The following STXBP5L variants were observed in gnomAD, a reference collection of about 807,000 sequenced individuals.
STXBP5L encodes syntaxin-binding protein 5-like.
A neutral mutation model predicts 144.5 loss-of-function variants in STXBP5L; 65 were observed. The ratio of observed to expected loss-of-function variants is 0.45; its 90% CI spans 0.37 to 0.55. The LOEUF (loss-of-function observed/expected upper bound fraction) is 0.55, where lower values mean the gene tolerates loss of function less well. Among genes scored for constraint, STXBP5L ranks in the 20% least tolerant of loss-of-function variants. STXBP5L has a pLI of 0.00. For synonymous variants in STXBP5L, 505 were observed against 469.6 expected, an observed-to-expected ratio of 1.08 and a Z score of -0.97; for missense variants, 1,298 against 1,405.5, an observed-to-expected ratio of 0.92 and a Z score of 1.22.
chr3:121,301,136 G>A (rs1344805865), intron 19 of STXBP5L, among the ~76,000 whole-genome samples: 2 of 152,100 alleles, frequency 1.3e-5, no homozygotes, highest in Non-Finnish European at 2.9e-5. Flanking sequence ...ATTACCTTGG[G>A]CAGTATGGCC....
chr3:121,299,813 C>A (rs906218842), intron 19 of STXBP5L, among the ~76,000 whole-genome samples: 4 of 151,664 alleles, frequency 2.6e-5, no homozygotes, highest in African/African-American at 9.7e-5. Context: ...ATGGCAAAAC[C>A]CTGTCTCTAC....
chr3:121,213,974 A>G (rs1333570682), intron 10 of STXBP5L, among the ~76,000 whole-genome samples: 5 of 151,922 alleles, frequency 3.3e-5, no homozygotes, highest in Non-Finnish European at 7.4e-5. Context: ...TTTCTTCTAG[A>G]TTTTCTAATT....
intron 22 of STXBP5L, among the ~76,000 whole-genome samples, chr3:121,392,659 A>G (rs781350565): frequency 6.6e-6 from 1 of 151,646 alleles, no homozygotes; most frequent in Non-Finnish European, 1.5e-5. Context: ...TTCACTACAT[A>G]TCCTGGGCCC....
rs142992155 is a variant in STXBP5L at position 120,942,402 on chromosome 3, G to T, written c.190-12538G>T. Among the ~76,000 whole-genome samples the T allele has an allele frequency of 6.6e-5, 10 of 151,598 alleles. No homozygotes were observed. The East Asian group carries it at 1.9e-3, about 29-fold the overall frequency. ...TGAATATAATACTGCTATTAATGAA[G>T]ATTATGAAAACAGGTTAATCTAAGT... On this transcript the variant is annotated intron_variant, in intron 2 of 26. Transcript: ENST00000471454.
chr3:120,991,138 C>G (rs1216905461), intron 3 of STXBP5L, among the ~76,000 whole-genome samples: 1 of 146,496 alleles, frequency 6.8e-6, no homozygotes, highest in African/African-American at 2.5e-5. Flanking sequence ...TTACAAGAAA[C>G]AAACAAACAA....
intron 20 of STXBP5L, among the ~76,000 whole-genome samples, chr3:121,330,430 G>C (rs1398994362): frequency 2.6e-5 from 4 of 152,196 alleles, no homozygotes; most frequent in African/African-American, 4.8e-5. Context: ...TGGAGAGCTA[G>C]AGTGCAGACT....
intron 2 of STXBP5L, among the ~76,000 whole-genome samples, chr3:120,937,309 T>A (rs1710312957): frequency 6.6e-6 from 1 of 152,196 alleles, no homozygotes. Flanking sequence ...TTTGTTCTGA[T>A]CTTCACTGTA....
intron 5 of STXBP5L, among the ~76,000 whole-genome samples, chr3:121,056,232 A>T (rs1576804215): frequency 6.6e-6 from 1 of 152,208 alleles, no homozygotes; most frequent in East Asian, 1.9e-4. Context: ...TGAATAAAAT[A>T]AAACATTCAT....
At chr3:121,171,115 GA>G (rs1321036626) in intron 9 of STXBP5L, among the ~76,000 whole-genome samples, 1 of 152,168 alleles carries the variant, frequency 6.6e-6, no homozygotes, top group Non-Finnish European at 1.5e-5. Flanking sequence ...AATAGATGCA[GA>G]AAAGGCCTTC....
intron 9 of STXBP5L, among the ~76,000 whole-genome samples, chr3:121,162,051 A>G (rs1337568972): frequency 6.6e-6 from 1 of 152,204 alleles, no homozygotes; most frequent in Non-Finnish European, 1.5e-5. Context: ...TGTACACAAA[A>G]CAAACAAAAT....
chr3:121,157,524 G>A lies in STXBP5L; in HGVS notation c.774G>A (p.Trp258Ter). Reference protein sequence around the residue: ...YYDEAIHSIDWHHEGKQFMCS... With the variant: ...YYDEAIHSID ...ATTAGGCTATTCATTCAATTGATTGGCATCATGAGGGCAAACAGTTCATGT... is the reference window on the plus strand; with the variant it reads ...ATTAGGCTATTCATTCAATTGATTGACATCATGAGGGCAAACAGTTCATGT... Residue 258 changes from tryptophan to a stop codon, truncating the protein, a stop_gained, in exon 9 of 27, where the codon TGG becomes TGA. Coordinates refer to ENST00000471454, the MANE Select transcript of STXBP5L (RefSeq NM_001308330.2). LOFTEE classifies it high-confidence loss of function. 1.9e-6 allele frequency: 3 copies of A among 1,580,312 alleles called. No homozygotes were observed. The highest frequency in any genetic ancestry group is 2.6e-6 in the Non-Finnish European group (3 of 1,168,120).
chr3:120,916,278 A>T (rs187079608), intron 2 of STXBP5L, among the ~76,000 whole-genome samples: 4 of 152,170 alleles, frequency 2.6e-5, no homozygotes, highest in East Asian at 1.9e-4. Context: ...TTTTAGTTTC[A>T]GTTAAGTGTT....
At chr3:121,412,114 T>C (rs1249114831) in intron 23 of STXBP5L, among the ~76,000 whole-genome samples, 1 of 152,154 alleles carries the variant, frequency 6.6e-6, no homozygotes, top group Non-Finnish European at 1.5e-5. Flanking sequence ...GGAGTCAGCA[T>C]AAGGATGCTG....
intron 23 of STXBP5L, among the ~76,000 whole-genome samples, chr3:121,410,346 G>C (rs1351977439): frequency 6.6e-6 from 1 of 151,906 alleles, no homozygotes; most frequent in East Asian, 1.9e-4. Context: ...AATTCTTCAT[G>C]TGTTCCTGAG....
intron 3 of STXBP5L, among the ~76,000 whole-genome samples, chr3:121,000,487 A>G (rs1332474106): frequency 2.6e-5 from 4 of 152,010 alleles, no homozygotes; most frequent in African/African-American, 4.8e-5. Flanking sequence ...TTAAATGGCT[A>G]TTTCATCTTT....
chr3:121,196,089 T>C (rs1452214693), intron 9 of STXBP5L, among the ~76,000 whole-genome samples: 1 of 152,116 alleles, frequency 6.6e-6, no homozygotes, highest in African/African-American at 2.4e-5. Flanking sequence ...GTAGAGTATT[T>C]CTTTGGTATT....
chr3:121,179,391 GA>G, intron 9 of STXBP5L, among the ~76,000 whole-genome samples: 1 of 152,178 alleles, frequency 6.6e-6, no homozygotes, highest in East Asian at 1.9e-4. Flanking sequence ...TGATCCATAA[GA>G]GGGAAAAAAA....
intron 2 of STXBP5L, among the ~76,000 whole-genome samples, chr3:120,931,436 G>A (rs761725744): frequency 1.4e-4 from 22 of 152,060 alleles, no homozygotes; most frequent in South Asian, 6.2e-4. Context: ...GCTTTATTAC[G>A]GTCATAGAGT....
chr3:120,927,680 G>C (rs973711923), intron 2 of STXBP5L, among the ~76,000 whole-genome samples: 10 of 152,176 alleles, frequency 6.6e-5, no homozygotes, highest in Admixed American at 5.9e-4. Context: ...TCTGCTTGGA[G>C]TTTTTTCACT....
Sources: allele counts gnomAD v4.1 joint callset (sites outside exome capture counted in the v4.1 genomes callset), GRCh38; gene constraint gnomAD v4.1.1; transcripts MANE v1.5; gene names NCBI Gene and HGNC (gene_info 2026-07-23, HGNC 2026-07-21).